Variants in DAB1 observed in about 807,000 individuals in gnomAD.
DAB1 encodes the protein disabled homolog 1.
DAB1 carries 15 observed loss-of-function variants against 64.6 expected under a neutral mutation model. The ratio of observed to expected loss-of-function variants is 0.23; its 90% confidence interval spans 0.16 to 0.36. DAB1 has a LOEUF of 0.36. Ranked by LOEUF, DAB1 falls within the 10% of genes least tolerant of loss-of-function variation. The probability of loss-of-function intolerance (pLI) is 1.00; values close to 1 mark genes in which losing one functional copy is unlikely to be tolerated. For missense variants in DAB1, 596 were observed against 706.7 expected (o/e 0.84, Z 1.78); for synonymous variants, 235 against 251.9 (o/e 0.93, Z 0.64).
intron 5 of DAB1, among the ~76,000 whole-genome samples, chr1:57,957,920 A>T (rs1645428807): frequency 6.6e-6 from 1 of 152,182 alleles, no homozygotes; most frequent in South Asian, 2.1e-4. Flanking sequence ...AAGAAGTTGA[A>T]TACAAAGTAT....
rs113225219 is a variant in DAB1 at position 57,315,853 on chromosome 1, T to G, written c.-136-24687A>C. On this transcript the variant is annotated intron_variant, in intron 1 of 14. Coordinates refer to ENST00000371236, the MANE Select transcript of DAB1 (RefSeq NM_001365792.1). The stretch of plus-strand genomic sequence containing the variant: ...CCTTAAACCTTCTGGGCCTTGGTTT[T>G]CCTATGTTGGAAGACTATAAACTCC... Among the ~76,000 whole-genome samples, 434 of 152,326 alleles carry G rather than the reference T, an allele frequency of 2.8e-3. 3 individuals are homozygous for G. Among genetic ancestry groups the G allele is most frequent in the African/African-American group, 9.9e-3 (412 of 41,568 alleles).
chr1:58,397,034 T>C lies in DAB1; in HGVS notation n.258-53631A>G, dbSNP rs185543270. Among the ~76,000 whole-genome samples the C allele has an allele frequency of 7.6e-3, 1,120 of 147,122 alleles. 8 individuals are homozygous for C. The highest frequency in any genetic ancestry group is 0.029 in the East Asian group (144 of 4,934). ...GAGCCGAGATCGCACTACTGCACTCTAGCCTGGGCGACGGAGCGAGACTCC... is the reference window on the plus strand; with the variant it reads ...GAGCCGAGATCGCACTACTGCACTCCAGCCTGGGCGACGGAGCGAGACTCC... On this transcript the variant is annotated intron_variant and non_coding_transcript_variant, in intron 3 of 20. Transcript: ENST00000485760.
rs140407230 is a variant in DAB1 at position 58,096,850 on chromosome 1, C to T, written n.387+53661G>A. Among the ~76,000 whole-genome samples, 1,034 of 152,324 alleles carry T rather than the reference C, an allele frequency of 6.8e-3. 14 individuals are homozygous for T. Among genetic ancestry groups the T allele is most frequent in the African/African-American group, 0.022 (907 of 41,562 alleles). On this transcript the variant is annotated intron_variant and non_coding_transcript_variant, in intron 5 of 20. Coordinates refer to the DAB1 transcript ENST00000485760. ...CTGCATCCCTCTCCATAGGACCCAG[C>T]GATCCCAGCACTGGCTGACTGGCCA...
intron 2 of DAB1, among the ~76,000 whole-genome samples, chr1:57,193,034 T>C (rs573526831): frequency 2.8e-4 from 42 of 152,300 alleles, no homozygotes; most frequent in Non-Finnish European, 5.9e-4. Flanking sequence ...ACAACATACG[T>C]ATTACCTCTT....
chr1:57,916,309 G>T (rs767059178), intron 5 of DAB1, among the ~76,000 whole-genome samples: 1 of 152,114 alleles, frequency 6.6e-6, no homozygotes, highest in Admixed American at 6.5e-5. Context: ...TGTCAGCCAT[G>T]CCTTCACTGG....
intron 4 of DAB1, among the ~76,000 whole-genome samples, chr1:58,180,515 A>C (rs986630390): frequency 6.6e-6 from 1 of 151,788 alleles, no homozygotes; most frequent in Non-Finnish European, 1.5e-5. Flanking sequence ...GGCTGGTCTC[A>C]AACTTCTGAG....
Position 57,535,780 on chromosome 1 carries a change from A to C in DAB1, n.625+113812T>G, listed in dbSNP as rs192975485. 7.2e-5 allele frequency among the ~76,000 whole-genome samples: 11 copies of C among 152,170 alleles called. No homozygotes were observed. In the East Asian group the frequency reaches 1.9e-3, roughly 27 times the overall value. On this transcript the variant is annotated intron_variant and non_coding_transcript_variant, in intron 7 of 20. Transcript: ENST00000485760. ...CAGCTTGTTGGACATTCTTGATAAC[A>C]CTCAGCCATAGTGCTACCCATTGTC...
At chr1:58,499,076 T>G (rs979941716) in intron 3 of DAB1, among the ~76,000 whole-genome samples, 1 of 152,088 alleles carries the variant, frequency 6.6e-6, no homozygotes, top group African/African-American at 2.4e-5. Context: ...ATCCTACCAT[T>G]TGTAACAGTA....
chr1:57,682,321 T>C (rs765094271), intron 6 of DAB1, among the ~76,000 whole-genome samples: 7 of 150,738 alleles, frequency 4.6e-5, no homozygotes, highest in African/African-American at 7.3e-5. Flanking sequence ...AAATCTCTAG[T>C]AGCATAAGAA....
chr1:57,132,176 A>C (rs923535966), intron 4 of DAB1, among the ~76,000 whole-genome samples: 1 of 152,082 alleles, frequency 6.6e-6, no homozygotes, highest in East Asian at 1.9e-4. Flanking sequence ...CTCTGTTCAC[A>C]CTTGTATCTG....
At chr1:57,001,485 TCACGTAAATGATGTTAAAAAAATCTTTC>T (rs1645866428) in intron 14 of DAB1, among the ~76,000 whole-genome samples, 4 of 152,126 alleles carry the variant, frequency 2.6e-5, no homozygotes, top group Admixed American at 1.3e-4. Context: ...TACCTTCAGG[TCACGTAAATGATGTTAAAAAAATCTTTC>T]TTTATGTCTT....
intron 6 of DAB1, among the ~76,000 whole-genome samples, chr1:57,690,723 A>T (rs1255669819): frequency 6.6e-6 from 1 of 152,192 alleles, no homozygotes; most frequent in African/African-American, 2.4e-5. Flanking sequence ...ACCTCCAAAC[A>T]GTTCTCCATA....
chr1:58,478,415 AATTT>A (rs1645441053), intron 3 of DAB1, among the ~76,000 whole-genome samples: 1 of 152,170 alleles, frequency 6.6e-6, no homozygotes, highest in South Asian at 2.1e-4. Flanking sequence ...ATATGGTAAC[AATTT>A]TTATTACATT....
chr1:57,895,620 T>C (rs12145305), intron 5 of DAB1, among the ~76,000 whole-genome samples: 37,752 of 151,836 alleles, frequency 0.25, 5,380 homozygotes, highest in Non-Finnish European at 0.32. Flanking sequence ...AATTACTCAT[T>C]GAGAGGGAGA....
At chr1:58,149,656 G>A (rs557473479) in intron 5 of DAB1, among the ~76,000 whole-genome samples, 2 of 152,272 alleles carry the variant, frequency 1.3e-5, no homozygotes, top group South Asian at 4.1e-4. Context: ...CAACAACTGA[G>A]TGTTGAAACC....
At chr1:58,170,408 A>G (rs1357892368) in intron 4 of DAB1, among the ~76,000 whole-genome samples, 4 of 152,192 alleles carry the variant, frequency 2.6e-5, no homozygotes, top group Non-Finnish European at 5.9e-5. Flanking sequence ...TTGATCCTAA[A>G]AGATAAGTTT....
chr1:58,087,327 G>A (rs1650379959), intron 5 of DAB1, among the ~76,000 whole-genome samples: 1 of 152,176 alleles, frequency 6.6e-6, no homozygotes, highest in Admixed American at 6.5e-5. Context: ...TTCAAAGGAG[G>A]AGCACTTTAA....
rs530292125 is a variant in DAB1 at position 57,714,686 on chromosome 1, T to C, written n.552-65021A>G. 2.0e-4 allele frequency among the ~76,000 whole-genome samples: 30 copies of C among 152,216 alleles called. 1 individual carries two copies. Among genetic ancestry groups the C allele is most frequent in the Admixed American group, 1.8e-3 (27 of 15,286 alleles). ...ACAGAGAATGACCGGGAAAATGAAT[T>C]AGGGGCAAAGGGGACCAGATCATAA... On this transcript the variant is annotated intron_variant and non_coding_transcript_variant, in intron 6 of 20. Transcript: ENST00000485760.
chr1:57,350,864 A>G (rs1678534955), intron 1 of DAB1, among the ~76,000 whole-genome samples: 1 of 152,194 alleles, frequency 6.6e-6, no homozygotes. Flanking sequence ...ATGAGTCTAT[A>G]TATCTGGCTC....
Sources: gnomAD v4.1 joint callset for allele counts (sites outside exome capture counted in the v4.1 genomes callset) on GRCh38, gnomAD v4.1.1 for gene constraint, MANE v1.5 for transcripts, NCBI Gene and HGNC (gene_info 2026-07-23, HGNC 2026-07-21) for gene names.